The following FOXN3 variants were observed in gnomAD, a reference collection of about 807,000 sequenced individuals.
FOXN3 encodes the protein forkhead box N3, also known as forkhead box protein N3.
In FOXN3, 7 loss-of-function variants were observed where a neutral mutation model predicts 38.4. That is an observed-to-expected ratio of 0.18 (90% CI 0.10 to 0.34). FOXN3 has a LOEUF of 0.34. FOXN3 is among the 10% of genes least tolerant of loss of function. The pLI is 1.00. For missense variants in FOXN3, 456 were observed against 613.4 expected (o/e 0.74, Z 2.71); for synonymous variants, 230 against 242.2 (o/e 0.95, Z 0.47).
chr14:89,254,865 C>T (rs1363947669), intron 4 of FOXN3, among the ~76,000 whole-genome samples: 3 of 152,198 alleles, frequency 2.0e-5, no homozygotes, highest in African/African-American at 7.2e-5. Flanking sequence ...TTTGCCACTG[C>T]GGCCCAGCCA....
chr14:89,618,035 G>A (rs1417680775), intron 1 of FOXN3, among the ~76,000 whole-genome samples: 2 of 152,136 alleles, frequency 1.3e-5, no homozygotes, highest in African/African-American at 4.8e-5. Flanking sequence ...AATATAACAG[G>A]ATGTCTTCCT....
At chr14:89,295,420 C>T (rs1002196041) in intron 3 of FOXN3, among the ~76,000 whole-genome samples, 5 of 152,202 alleles carry the variant, frequency 3.3e-5, no homozygotes, top group African/African-American at 1.2e-4. Context: ...CTTACCTTGG[C>T]AGACGTCACG....
intron 2 of FOXN3, among the ~76,000 whole-genome samples, chr14:89,363,961 T>TATATATATA (rs1555421707): frequency 1.4e-4 from 2 of 14,674 alleles, no homozygotes; most frequent in Admixed American, 1.1e-3. Flanking sequence ...TATATATATA[T>TATATATATA]ATATATATAT....
chr14:89,197,067 C>T lies in FOXN3; in HGVS notation c.746-16261G>A, dbSNP rs528474259. 3.3e-5 allele frequency among the ~76,000 whole-genome samples: 5 copies of T among 152,312 alleles called. No homozygotes were observed. The South Asian group carries it at 1.0e-3, about 32-fold the overall frequency. Reference sequence around the variant, plus strand: ...TCCACAGGGCTAATGTGTTTTGTTTCTCCAGCTCTCTCTGCTCCCCCTCAC... The same window carrying T: ...TCCACAGGGCTAATGTGTTTTGTTTTTCCAGCTCTCTCTGCTCCCCCTCAC... On this transcript the variant is annotated intron_variant, in intron 4 of 5. Coordinates refer to ENST00000557258, the MANE Select transcript of FOXN3 (RefSeq NM_005197.4).
intron 2 of FOXN3, among the ~76,000 whole-genome samples, chr14:89,381,625 G>C (rs920383612): frequency 6.6e-6 from 1 of 151,740 alleles, no homozygotes; most frequent in Admixed American, 6.6e-5. Context: ...TAGGGAGGCA[G>C]AGGTAGGAAC....
chr14:89,515,582 A>G (rs1010796689), intron 1 of FOXN3, among the ~76,000 whole-genome samples: 1 of 151,886 alleles, frequency 6.6e-6, no homozygotes, highest in Non-Finnish European at 1.5e-5. Flanking sequence ...CTAAAAATAC[A>G]AAAATTAGCT....
Position 89,156,258 on chromosome 14 carries a change from G to A in FOXN3, c.*6156C>T, listed in dbSNP as rs1886977196. ...CACAGAAACTTTATGGTAGGTCTGGGGAAAAGTGTTATTTACAATAAATGA... is the reference window on the plus strand; with the variant it reads ...CACAGAAACTTTATGGTAGGTCTGGAGAAAAGTGTTATTTACAATAAATGA... On this transcript the variant is annotated 3_prime_UTR_variant, in exon 6 of 6. Transcript: ENST00000557258. The A allele has an allele frequency of 6.6e-6, 1 of 152,596 alleles. No homozygotes were observed. The highest frequency in any genetic ancestry group is 6.5e-5 in the Admixed American group (1 of 15,278). The allele number at this position is 152,596 out of a possible 1,614,324, so 9.5% of individuals were successfully genotyped here.
At chr14:89,445,764 C>T (rs1447745535) in intron 1 of FOXN3, among the ~76,000 whole-genome samples, 2 of 152,072 alleles carry the variant, frequency 1.3e-5, no homozygotes, top group Non-Finnish European at 2.9e-5. Context: ...GGTCCTCTGA[C>T]TCATTCAAAG....
chr14:89,359,671 G>T (rs1006016602), intron 2 of FOXN3, among the ~76,000 whole-genome samples: 1 of 152,210 alleles, frequency 6.6e-6, no homozygotes, highest in Non-Finnish European at 1.5e-5. Flanking sequence ...ACTGAGAGAT[G>T]CTCCGGCCGG....
intron 3 of FOXN3, chr14:89,290,376 T>G (rs943898427): frequency 2.7e-6 from 1 of 377,034 alleles, no homozygotes; most frequent in Non-Finnish European, 5.2e-6. Flanking sequence ...TTCTGTCTTA[T>G]TAGTGGAAAT....
At chr14:89,513,648 G>A (rs1435155297) in intron 1 of FOXN3, among the ~76,000 whole-genome samples, 1 of 152,110 alleles carries the variant, frequency 6.6e-6, no homozygotes, top group African/African-American at 2.4e-5. Context: ...AGGCTGGAGT[G>A]CAATGGCACG....
At chr14:89,409,982 C>CTTAT (rs200146931) in intron 2 of FOXN3, among the ~76,000 whole-genome samples, 1,647 of 152,164 alleles carry the variant, frequency 0.011, 128 homozygotes, top group Admixed American at 0.1. Flanking sequence ...GAACCAGAAA[C>CTTAT]TTATGAATAT....
chr14:89,438,817 G>A (rs1004123275), intron 1 of FOXN3, among the ~76,000 whole-genome samples: 1 of 151,500 alleles, frequency 6.6e-6, no homozygotes, highest in Non-Finnish European at 1.5e-5. Context: ...AGGCTAGAGT[G>A]CAATGGCGCA....
chr14:89,609,561 T>G (rs1896349610), intron 1 of FOXN3, among the ~76,000 whole-genome samples: 1 of 152,156 alleles, frequency 6.6e-6, no homozygotes, highest in Non-Finnish European at 1.5e-5. Context: ...CTCCCAATAA[T>G]CCTTTCAGGA....
intron 4 of FOXN3, among the ~76,000 whole-genome samples, chr14:89,249,059 T>G (rs549324946): frequency 2.0e-5 from 3 of 152,324 alleles, no homozygotes; most frequent in African/African-American, 7.2e-5. Context: ...GGGTTGAAAT[T>G]ATAAAGAAAG....
At position 89,549,647 on chromosome 14, in the gene FOXN3, T is replaced by C. The variant is rs114710167; in HGVS notation, c.-15+69381A>G. The stretch of plus-strand genomic sequence containing the variant: ...GGGAGGAATTGAATCCAATTTATTA[T>C]TGGCAAAGAGACTTCAACGTTTCCA... On this transcript the variant is annotated intron_variant, in intron 1 of 6. Transcript: ENST00000345097. Among the ~76,000 whole-genome samples, 471 of 152,306 alleles carry C rather than the reference T, an allele frequency of 3.1e-3. 6 individuals carry two copies. The highest frequency in any genetic ancestry group is 0.011 in the African/African-American group (448 of 41,564).
chr14:89,358,392 T>C (rs1365762131), intron 2 of FOXN3, among the ~76,000 whole-genome samples: 6 of 152,136 alleles, frequency 3.9e-5, no homozygotes, highest in African/African-American at 1.4e-4. Context: ...GGGGTGTGGA[T>C]GATGGCCTAA....
rs117639064 is a variant in FOXN3 at position 89,200,592 on chromosome 14, T to A, written c.746-19786A>T. Among the ~76,000 whole-genome samples, 3 of 152,358 alleles carry A rather than the reference T, an allele frequency of 2.0e-5. No homozygotes were observed. The East Asian group carries it at 5.8e-4, about 29-fold the overall frequency. ...AGTACCTTGATACTCCCCAGGCAGA[T>A]GCTTTCGTATTTCTGTTTTCTCCGG... On this transcript the variant is annotated intron_variant, in intron 4 of 5. Coordinates refer to ENST00000557258, the MANE Select transcript of FOXN3 (RefSeq NM_005197.4).
intron 1 of FOXN3, among the ~76,000 whole-genome samples, chr14:89,543,881 A>G (rs546357892): frequency 1.3e-5 from 2 of 152,272 alleles, no homozygotes; most frequent in South Asian, 2.1e-4. Context: ...TTTGGTTTTA[A>G]GACCAGAATA....
Sources: allele counts gnomAD v4.1 joint callset (sites outside exome capture counted in the v4.1 genomes callset), GRCh38; gene constraint gnomAD v4.1.1; transcripts MANE v1.5; gene names NCBI Gene and HGNC (gene_info 2026-07-23, HGNC 2026-07-21).